POLR3GL: variants seen among roughly 807,000 people sequenced by gnomAD.
POLR3GL encodes DNA-directed RNA polymerase III subunit RPC7-like.
A neutral mutation model predicts 32.4 loss-of-function variants in POLR3GL; 26 were observed. The observed-to-expected ratio is 0.80, with a 90% CI of 0.59 to 1.11. The LOEUF (loss-of-function observed/expected upper bound fraction) is 1.11, where lower values mean the gene tolerates loss of function less well. POLR3GL is among the 50% of genes most tolerant of loss of function. POLR3GL has a pLI of 0.00. For synonymous variants in POLR3GL, 95 were observed against 98.7 expected, an observed-to-expected ratio of 0.96 and a Z score of 0.22; for missense variants, 229 against 280.1, an observed-to-expected ratio of 0.82 and a Z score of 1.30.
chr1:145,970,168 G>C (rs185927649), intron 1 of POLR3GL, among the ~76,000 whole-genome samples: 2 of 151,716 alleles, frequency 1.3e-5, no homozygotes, highest in African/African-American at 4.8e-5. Context: ...TTTTTGTTTT[G>C]AGACAAGGTC....
In POLR3GL at chr1:145,978,460, G is replaced by T; in HGVS notation, c.*13G>T. 1 of 1,529,962 alleles carries T rather than the reference G, an allele frequency of 6.5e-7. No homozygotes were observed. The highest frequency in any genetic ancestry group is 9.0e-7 in the Non-Finnish European group (1 of 1,105,594). The allele number at this position is 1,529,962 out of a possible 1,614,324, so 94.8% of individuals were successfully genotyped here. On this transcript the variant is annotated 3_prime_UTR_variant, in exon 8 of 8. Transcript: ENST00000369314. ...GGCTATATACTGAAGAAGGACTCTG[G>T]ACCCTCGTGTCTTTCTTTAGGATAC... is the stretch of plus-strand genomic sequence containing the variant.
chr1:145,975,555 T>C, intron 3 of POLR3GL, 119 bp downstream of exon 3: 5 of 1,119,544 alleles, frequency 4.5e-6, no homozygotes, highest in Non-Finnish European at 6.4e-6. Context: ...GAGATCATAA[T>C]AGTTACCCCT....
intron 1 of POLR3GL, among the ~76,000 whole-genome samples, chr1:145,968,038 T>C (rs782544498): frequency 1.3e-5 from 2 of 152,226 alleles, no homozygotes; most frequent in Admixed American, 6.5e-5. Flanking sequence ...ATTGTTAGTG[T>C]TTTTCTGTAT....
intron 1 of POLR3GL, among the ~76,000 whole-genome samples, chr1:145,970,931 A>C (rs1311851759): frequency 7.0e-6 from 1 of 142,822 alleles, no homozygotes; most frequent in Admixed American, 7.2e-5. Context: ...TCATGCCTGT[A>C]ATCTAGCACT....
In POLR3GL at chr1:145,975,428, C is replaced by G; in HGVS notation, c.248C>G (p.Pro83Arg). 2 of 1,613,688 alleles carry G rather than the reference C, an allele frequency of 1.2e-6. No homozygotes were observed. The highest frequency in any genetic ancestry group is 1.7e-6 in the Non-Finnish European group (2 of 1,179,590). The change falls in exon 3 of 8, where the codon CCC (proline) becomes CGC (arginine). Residue 83 changes from proline (P) to arginine (R), a missense_variant. Physicochemically the swap from Pro to Arg is moderately radical, Grantham distance 103. Transcript: ENST00000369314. ...QLPYFIRPAV[P>R]KRDVERYSDK... ...CCCTACTTCATCCGGCCAGCTGTCC[C>G]CAAGAGAGGTCAGTTGGAATGCTAG...
chr1:145,977,546 G>A lies in POLR3GL; in HGVS notation c.382+7G>A, dbSNP rs1650617054. The A allele has an allele frequency of 4.3e-6, 7 of 1,613,428 alleles. No homozygotes were observed. In the East Asian group the frequency reaches 1.3e-4, roughly 31 times the overall value. Reference sequence around the variant, plus strand: ...CGGAAGCTACAGAAGGAACGTGAGTGTATCTGGAAAAAAGGAGGGAGAAGA... The same window carrying A: ...CGGAAGCTACAGAAGGAACGTGAGTATATCTGGAAAAAAGGAGGGAGAAGA... On this transcript the variant is annotated splice_region_variant and intron_variant, in intron 5 of 7. Coordinates refer to ENST00000369314, the MANE Select transcript of POLR3GL (RefSeq NM_032305.3).
intron 1 of POLR3GL, among the ~76,000 whole-genome samples, chr1:145,966,333 A>T (rs587721423): frequency 7.4e-4 from 113 of 151,678 alleles, no homozygotes; most frequent in Admixed American, 1.3e-3. Context: ...TACAAAAAAA[A>T]TAGCCAAGCA....
At position 145,978,469 on chromosome 1, in the gene POLR3GL, G is replaced by A. The variant is rs587671063; in HGVS notation, c.*22G>A. 2.0e-6 allele frequency: 3 copies of A among 1,469,748 alleles called. No individual in the cohort carries two copies. Among genetic ancestry groups the A allele is most frequent in the African/African-American group, 1.4e-5 (1 of 71,536 alleles). The allele number at this position is 1,469,748 out of a possible 1,614,324, so 91.0% of individuals were successfully genotyped here. A position where few individuals can be genotyped will look rare whatever the true frequency, so the allele number is the denominator to read the frequency against. ...CTGAAGAAGGACTCTGGACCCTCGTGTCTTTCTTTAGGATACAGAGAGTAA... is the reference window on the plus strand; with the variant it reads ...CTGAAGAAGGACTCTGGACCCTCGTATCTTTCTTTAGGATACAGAGAGTAA... On this transcript the variant is annotated 3_prime_UTR_variant, in exon 8 of 8. Coordinates refer to ENST00000369314, the MANE Select transcript of POLR3GL (RefSeq NM_032305.3).
chr1:145,968,166 T>G (rs1650120969), intron 1 of POLR3GL, among the ~76,000 whole-genome samples: 1 of 152,160 alleles, frequency 6.6e-6, no homozygotes, highest in Non-Finnish European at 1.5e-5. Flanking sequence ...AGGGGTAAAC[T>G]CTCTGGAAAG....
intron 1 of POLR3GL, among the ~76,000 whole-genome samples, chr1:145,966,527 C>G (rs762201024): frequency 4.3e-4 from 65 of 150,912 alleles, no homozygotes; most frequent in Non-Finnish European, 5.8e-4. Flanking sequence ...ATGGCTCATG[C>G]CTGTAATCCC....
chr1:145,969,174 C>T (rs782391211), intron 1 of POLR3GL, among the ~76,000 whole-genome samples: 7 of 152,176 alleles, frequency 4.6e-5, no homozygotes, highest in Non-Finnish European at 8.8e-5. Context: ...TCATAGCTCA[C>T]TGCAGCCTCG....
rs782105426 is a variant in POLR3GL at position 145,974,921 on chromosome 1, T to C, written c.56T>C (p.Val19Ala). 3.9e-6 allele frequency: 6 copies of C among 1,522,134 alleles called. No individual in the cohort carries two copies. In the South Asian group the frequency reaches 7.8e-5, roughly 20 times the overall value. The allele number at this position is 1,522,134 out of a possible 1,614,324, so 94.3% of individuals were successfully genotyped here. ...GRGRGQLTFN[V>A]EAVGIGKGDA... ...GGCCGGGGCCAGTTGACCTTCAACGTGGAGGCCGTGGGCATTGGGAAAGGG... is the reference window on the plus strand; with the variant it reads ...GGCCGGGGCCAGTTGACCTTCAACGCGGAGGCCGTGGGCATTGGGAAAGGG... The change falls in exon 2 of 8, where the codon GTG becomes GCG. Residue 19 changes from valine (V) to alanine (A), a missense_variant. Val to Ala is a moderately conservative substitution (Grantham distance 64). Transcript: ENST00000369314.
chr1:145,975,859 T>G (rs1042011728), intron 3 of POLR3GL, among the ~76,000 whole-genome samples: 1 of 152,034 alleles, frequency 6.6e-6, no homozygotes, highest in Admixed American at 6.6e-5. Context: ...ATCTGGATAT[T>G]ATAAGCACCA....
chr1:145,977,642 A>G (rs1650623471), intron 5 of POLR3GL, 103 bp downstream of exon 5: 1 of 1,307,514 alleles, frequency 7.6e-7, no homozygotes, highest in Non-Finnish European at 1.1e-6. Flanking sequence ...TCCTATACCC[A>G]ATCTACCAAG....
intron 1 of POLR3GL, among the ~76,000 whole-genome samples, chr1:145,971,299 A>G (rs1233983476): frequency 1.3e-5 from 2 of 151,686 alleles, no homozygotes; most frequent in Non-Finnish European, 2.9e-5. Context: ...TTTGGTTTTT[A>G]CCTATTGCTC....
intron 3 of POLR3GL, among the ~76,000 whole-genome samples, chr1:145,976,255 C>G (rs1399187051): frequency 1.3e-5 from 2 of 151,768 alleles, no homozygotes; most frequent in Non-Finnish European, 2.9e-5. Context: ...CCACTGCACT[C>G]TAGCCTGGGT....
chr1:145,966,138 A>T (rs1650014116), intron 1 of POLR3GL, among the ~76,000 whole-genome samples: 1 of 150,906 alleles, frequency 6.6e-6, no homozygotes, highest in Non-Finnish European at 1.5e-5. Context: ...AAAAAAAAAA[A>T]AAAGGAAATC....
intron 1 of POLR3GL, among the ~76,000 whole-genome samples, chr1:145,970,117 C>T (rs972652510): frequency 6.6e-6 from 1 of 152,064 alleles, no homozygotes; most frequent in African/African-American, 2.4e-5. Context: ...ACCAACTAAT[C>T]TCTTGGGAAT....
In POLR3GL at chr1:145,978,365, C is replaced by A; in HGVS notation, c.575C>A (p.Thr192Asn). 1 of 1,568,618 alleles carries A rather than the reference C, an allele frequency of 6.4e-7. No individual in the cohort carries two copies. The highest frequency in any genetic ancestry group is 8.7e-7 in the Non-Finnish European group (1 of 1,144,470). The change falls in exon 8 of 8, where the codon ACT (threonine) becomes AAT (asparagine). Residue 192 changes from threonine (T) to asparagine (N), a missense_variant. By Grantham distance (65) the Thr-to-Asn change is moderately conservative (BLOSUM62 0). Coordinates refer to ENST00000369314, the MANE Select transcript of POLR3GL (RefSeq NM_032305.3). ...CTTTTTTTTTTTCCATTTCAGGAAACTGATTACATCATGTCATATTTTGAC... is the reference window on the plus strand; with the variant it reads ...CTTTTTTTTTTTCCATTTCAGGAAAATGATTACATCATGTCATATTTTGAC... ...EYDEEEHEEE[T>N]DYIMSYFDNG...
Sources: gnomAD v4.1 joint callset for allele counts (sites outside exome capture counted in the v4.1 genomes callset) on GRCh38, gnomAD v4.1.1 for gene constraint, MANE v1.5 for transcripts, NCBI Gene and HGNC (gene_info 2026-07-23, HGNC 2026-07-21) for gene names.